UNC79: variants seen among roughly 807,000 people sequenced by gnomAD.
The protein encoded by UNC79 is unc-79 subunit of NALCN channel complex, also known as protein unc-79 homolog.
UNC79 carries 37 observed loss-of-function variants against 283.1 expected under a neutral mutation model. The ratio of observed to expected loss-of-function variants is 0.13; its 90% CI spans 0.10 to 0.17. The LOEUF is 0.17. Among genes scored for constraint, UNC79 ranks in the 10% least tolerant of loss-of-function variants. UNC79 has a pLI of 1.00. For missense variants in UNC79, 2,272 were observed against 3,211.1 expected (o/e 0.71, Z 7.07); for synonymous variants, 1,107 against 1,200.2 (o/e 0.92, Z 1.61).
intron 1 of UNC79, among the ~76,000 whole-genome samples, chr14:93,368,357 G>T (rs998628281): frequency 6.6e-6 from 1 of 152,118 alleles, no homozygotes; most frequent in African/African-American, 2.4e-5. Flanking sequence ...CTCTAAAAAA[G>T]TTTAAAATAA....
At chr14:93,345,603 AAAGTC>A (rs2053808565) in intron 1 of UNC79, among the ~76,000 whole-genome samples, 2 of 152,220 alleles carry the variant, frequency 1.3e-5, no homozygotes, top group Admixed American at 1.3e-4. Flanking sequence ...GCTAGAAGAA[AAAGTC>A]AAGGAAATCC....
In UNC79 at chr14:93,566,908, C is replaced by A. The variant is rs141031725; in HGVS notation, c.1756-4986C>A. ...CTGGGATTACAGGCTTGAGCCACCA[C>A]GCTCGGCCTGGAATTCTTTAAGTAA... On this transcript the variant is annotated intron_variant, in intron 14 of 48. Transcript: ENST00000555664. Among the ~76,000 whole-genome samples, 6 of 152,156 alleles carry A rather than the reference C, an allele frequency of 3.9e-5. No individual in the cohort carries two copies. The South Asian group carries it at 8.3e-4, about 21-fold the overall frequency.
exon 30 of UNC79, chr14:93,622,724 A>G (rs2067229485): frequency 6.2e-7 from 1 of 1,614,080 alleles, no homozygotes; most frequent in African/African-American, 1.3e-5. Context: ...CGAATTTAAG[A>G]TTCAGATTGT....
chr14:93,628,536 C>T (rs768246025), intron 30 of UNC79, among the ~76,000 whole-genome samples: 6 of 152,096 alleles, frequency 3.9e-5, no homozygotes, highest in Non-Finnish European at 5.9e-5. Context: ...CACTTTTATG[C>T]GTATGAATTA....
chr14:93,640,113 C>T (rs900295104), intron 32 of UNC79, among the ~76,000 whole-genome samples: 5 of 152,196 alleles, frequency 3.3e-5, no homozygotes, highest in African/African-American at 1.2e-4. Flanking sequence ...TCATGAGACT[C>T]TGTCTTGCAC....
chr14:93,567,386 T>C (rs1370473685), intron 14 of UNC79, among the ~76,000 whole-genome samples: 1 of 152,122 alleles, frequency 6.6e-6, no homozygotes, highest in African/African-American at 2.4e-5. Context: ...CCACCATGCC[T>C]GGCCAATTTT....
chr14:93,572,203 C>A (rs2402315), intron 15 of UNC79, 119 bp downstream of exon 15: 941,678 of 1,070,106 alleles, frequency 0.88, 415,172 homozygotes, highest in East Asian at 0.94. Context: ...ATTTTTTAAC[C>A]ACCCTGTGGA....
rs1482903410 is a variant in UNC79 at position 93,694,396 on chromosome 14, C to T, written c.7532C>T (p.Ser2511Leu). 5 of 1,609,296 alleles carry T rather than the reference C, an allele frequency of 3.1e-6. No homozygotes were observed. The highest frequency in any genetic ancestry group is 1.1e-5 in the South Asian group (1 of 90,740). ...ATGGAGGCATTGCAGGAATGCAATT[C>T]GACCATTTTTGTCAAGGTAGGAAAA... The change falls in exon 47 of 49, where the codon TCG (serine) becomes TTG (leucine). Residue 2511 changes from serine (S) to leucine (L), a missense_variant. This residue lies in a region of UNC79 where 225 missense variants were observed against 334.2 expected (regional missense o/e 0.67). Coordinates refer to ENST00000555664, the Ensembl canonical transcript of UNC79.
rs1462889193 is a variant in UNC79 at position 93,474,297 on chromosome 14, CAGTTGTCAGACT to C, written c.354_365del (p.Gln118_Tyr122delinsHis). ...ACGCGGCCCGCAAAGTCGTGATGCT[CAGTTGTCAGACT>C]ACCCTTCTTTGGACTACCAAGGCCT... On this transcript the variant is annotated inframe_deletion, in exon 3 of 49. Coordinates refer to ENST00000555664, the Ensembl canonical transcript of UNC79. The surrounding 1 kb of genome is among the most constrained non-coding windows in gnomAD (Gnocchi z 4.1). The C allele has an allele frequency of 1.3e-6, 2 of 1,535,970 alleles. No homozygotes were observed. Among genetic ancestry groups the C allele is most frequent in the Non-Finnish European group, 1.7e-6 (2 of 1,146,878 alleles).
intron 1 of UNC79, among the ~76,000 whole-genome samples, chr14:93,380,111 G>A (rs999652759): frequency 7.2e-5 from 11 of 152,104 alleles, no homozygotes; most frequent in African/African-American, 1.2e-4. Flanking sequence ...AAGCTGGCAC[G>A]TAGTAGATGC....
intron 1 of UNC79, among the ~76,000 whole-genome samples, chr14:93,439,444 A>G (rs1453197376): frequency 6.6e-6 from 1 of 152,050 alleles, no homozygotes; most frequent in South Asian, 2.1e-4. Context: ...TATGGAGACC[A>G]TATTGCTTCC....
Position 93,623,658 on chromosome 14 carries a change from G to A in UNC79, c.5608+817G>A, listed in dbSNP as rs113488215. Among the ~76,000 whole-genome samples the A allele has an allele frequency of 5.4e-3, 818 of 152,312 alleles. 3 individuals carry two copies. The highest frequency in any genetic ancestry group is 9.6e-3 in the Non-Finnish European group (654 of 68,034). ...GCCTGTAATCCCAGCATTTTGGGAG[G>A]CTGAGGCGGGCAGATCATGAGATCA... On this transcript the variant is annotated intron_variant, in intron 30 of 48. Coordinates refer to ENST00000555664, the Ensembl canonical transcript of UNC79.
chr14:93,377,393 C>T (rs1415049602), intron 1 of UNC79, among the ~76,000 whole-genome samples: 1 of 152,044 alleles, frequency 6.6e-6, no homozygotes, highest in African/African-American at 2.4e-5. Context: ...TGTGCCTGGC[C>T]GAGAATAGTT....
At chr14:93,697,449 T>C (rs2075223408) in intron 47 of UNC79, among the ~76,000 whole-genome samples, 1 of 152,160 alleles carries the variant, frequency 6.6e-6, no homozygotes, top group Non-Finnish European at 1.5e-5. Context: ...TCTCTGTCTA[T>C]TTTTATAACA....
chr14:93,506,968 T>C lies in UNC79; in HGVS notation c.898+9682T>C, dbSNP rs1351975701. On this transcript the variant is annotated intron_variant, in intron 7 of 48. Coordinates refer to ENST00000555664, the Ensembl canonical transcript of UNC79. ...TTCTGGTTTCTACATAATTCATATA[T>C]TCATCTAATTCAGGTATTCAGGTAA... Among the ~76,000 whole-genome samples the C allele has an allele frequency of 3.9e-5, 6 of 152,242 alleles. No homozygotes were observed. In the East Asian group the frequency reaches 1.2e-3, roughly 29 times the overall value.
chr14:93,612,990 C>T lies in UNC79; in HGVS notation c.3948C>T (p.Leu1316=), dbSNP rs765922099. ...TCAAGCGACACCTGTACGTCTTACT[C>T]GGCTATGACCAGCAGGAAGGTTGCT... The change falls in exon 27 of 49, where the codon CTC becomes CTT. Residue 1316 remains leucine, a synonymous_variant. Coordinates refer to ENST00000555664, the Ensembl canonical transcript of UNC79. 5.5e-5 allele frequency: 89 copies of T among 1,614,082 alleles called. No homozygotes were observed. The East Asian group carries it at 1.9e-3, about 35-fold the overall frequency.
chr14:93,646,746 G>A (rs994306998), intron 35 of UNC79, 100 bp downstream of exon 38: 71 of 1,334,692 alleles, frequency 5.3e-5, no homozygotes, highest in East Asian at 9.5e-5. Flanking sequence ...GCAGTGGCTC[G>A]CGTCTGTAAT....
intron 41 of UNC79, among the ~76,000 whole-genome samples, chr14:93,682,174 C>T (rs1014365018): frequency 2.0e-5 from 3 of 152,132 alleles, no homozygotes; most frequent in African/African-American, 7.2e-5. Context: ...TGAAGTTCCC[C>T]TGTGGGGAAG....
intron 1 of UNC79, among the ~76,000 whole-genome samples, chr14:93,411,964 C>T (rs2055345445): frequency 6.6e-6 from 1 of 152,152 alleles, no homozygotes; most frequent in South Asian, 2.1e-4. Flanking sequence ...GGGACCAGTC[C>T]TGGAGAAGCA....
Sources: allele counts gnomAD v4.1 joint callset (sites outside exome capture counted in the v4.1 genomes callset), GRCh38; gene constraint gnomAD v4.1.1; regional missense constraint gnomAD v4.1.1; non-coding constraint Gnocchi (gnomAD v3.1); transcripts MANE v1.5; gene names NCBI Gene and HGNC (gene_info 2026-07-23, HGNC 2026-07-21).